Variants in MYO1F observed in about 807,000 individuals in gnomAD.
The protein encoded by MYO1F is unconventional myosin-If.
A neutral mutation model predicts 146.6 loss-of-function variants in MYO1F; 60 were observed. The ratio of observed to expected loss-of-function variants is 0.41; its 90% CI spans 0.33 to 0.51. MYO1F has a LOEUF of 0.51. Ranked by LOEUF, MYO1F falls within the 20% of genes least tolerant of loss-of-function variation. The pLI is 0.25. For synonymous variants in MYO1F, 602 were observed against 602.1 expected (o/e 1.00, Z 0.00); for missense variants, 1,274 against 1,534.3 (o/e 0.83, Z 2.83).
Position 8,527,514 on chromosome 19 carries a change from C to G in MYO1F, c.2329-31G>C, listed in dbSNP as rs376683356. On this transcript the variant is annotated intron_variant, in intron 21 of 27. Transcript: ENST00000644032. ...GGGATGCAGGATTAGAGGCTGATGC[C>G]TGTAGCCTGGCCAGCCTGGCCACAG... 8.1e-5 allele frequency: 130 copies of G among 1,611,306 alleles called. No individual in the cohort carries two copies. In the African/African-American group the frequency reaches 1.6e-3, roughly 19 times the overall value.
At chr19:8,574,073 A>G (rs2042158409) in intron 1 of MYO1F, among the ~76,000 whole-genome samples, 1 of 152,024 alleles carries the variant, frequency 6.6e-6, no homozygotes, top group African/African-American at 2.4e-5. Flanking sequence ...AAATAACAGC[A>G]ACCACCGATG....
rs1972103941 is a variant in MYO1F, at chr19:8,522,551, G to A, written c.3051-5C>T. 6.2e-7 allele frequency: 1 copy of A among 1,611,032 alleles called. No homozygotes were observed. Among genetic ancestry groups the A allele is most frequent in the Non-Finnish European group, 8.5e-7 (1 of 1,179,008 alleles). The stretch of plus-strand genomic sequence containing the variant: ...ACGCTGCGCTTCCTCTGCATGCTGT[G>A]GGCACAGGGGGTTTGAGTCACAGCC... On this transcript the variant is annotated splice_polypyrimidine_tract_variant and splice_region_variant and intron_variant, in intron 26 of 27. Coordinates refer to ENST00000644032, the MANE Select transcript of MYO1F (RefSeq NM_012335.4).
chr19:8,575,180 G>A (rs770021547), intron 1 of MYO1F, among the ~76,000 whole-genome samples: 1 of 151,110 alleles, frequency 6.6e-6, no homozygotes, highest in Non-Finnish European at 1.5e-5. Flanking sequence ...GGGTTCAAGC[G>A]ATTCTCCTGC....
intron 1 of MYO1F, among the ~76,000 whole-genome samples, chr19:8,575,447 C>T (rs1393599441): frequency 6.6e-6 from 1 of 151,114 alleles, no homozygotes; most frequent in Non-Finnish European, 1.5e-5. Context: ...GGTTTGCGAT[C>T]CTGTGATAAT....
Position 8,545,717 on chromosome 19 carries a change from C to A in MYO1F, c.1289G>T (p.Gly430Val), listed in dbSNP as rs773881396. 18 of 1,613,896 alleles carry A rather than the reference C, an allele frequency of 1.1e-5. No individual in the cohort carries two copies. Among genetic ancestry groups the A allele is most frequent in the Non-Finnish European group, 3.4e-6 (4 of 1,179,932 alleles). The change falls in exon 13 of 28, where the codon GGC becomes GTC. Residue 430 changes from glycine to valine, a missense_variant. Physicochemically the swap from Gly to Val is moderately radical, Grantham distance 109. Around this residue, in one of 2 missense-constraint regions of MYO1F, gnomAD observed 900 missense variants for 1,155.1 expected, o/e 0.78. Coordinates refer to ENST00000644032, the MANE Select transcript of MYO1F (RefSeq NM_012335.4). ...GTACTGGATTGGAGTCCAGCGGATG[C>A]CTTCCTGCACATACTCCTCCTGGGG... ...KAEQEEYVQE[G>V]IRWTPIQYFN...
intron 1 of MYO1F, among the ~76,000 whole-genome samples, chr19:8,556,243 T>C (rs1384410267): frequency 6.6e-6 from 1 of 151,124 alleles, no homozygotes; most frequent in Non-Finnish European, 1.5e-5. Flanking sequence ...TTGGCCAGGC[T>C]GGTCTGGAAC....
rs937869423 is a variant in MYO1F at position 8,522,462 on chromosome 19, C to T, written c.3135G>A (p.Arg1045=). 6.2e-7 allele frequency: 1 copy of T among 1,613,984 alleles called. No homozygotes were observed. The highest frequency in any genetic ancestry group is 8.5e-7 in the Non-Finnish European group (1 of 1,180,032). ...CCACGTACTGGTATAGGGCCCGGCACCTGGGACCATGTGTCCGAGGCTGGG... is the reference window on the plus strand; with the variant it reads ...CCACGTACTGGTATAGGGCCCGGCATCTGGGACCATGTGTCCGAGGCTGGG... The part of the protein sequence containing the change: ...PKPQPRTHGP[R]CRALYQYVGQ... The change falls in exon 27 of 28, where the codon AGG becomes AGA. Residue 1045 remains arginine (R), a synonymous_variant. Transcript: ENST00000644032.
In MYO1F at chr19:8,573,695, C is replaced by T. The variant is rs185023976; in HGVS notation, c.3+3612G>A. Reference sequence around the variant, plus strand: ...CGAAACCCCGTCTCCACTAAAAGCACAAAAATTAGCTGGGTGTGGTGGCAG... The same window carrying T: ...CGAAACCCCGTCTCCACTAAAAGCATAAAAATTAGCTGGGTGTGGTGGCAG... On this transcript the variant is annotated intron_variant, in intron 1 of 27. Transcript: ENST00000644032. Among the ~76,000 whole-genome samples the T allele has an allele frequency of 6.3e-4, 96 of 152,088 alleles. 3 individuals carry two copies. Among genetic ancestry groups the T allele is most frequent in the South Asian group, 5.2e-3 (25 of 4,818 alleles).
chr19:8,577,217 C>T lies in MYO1F; in HGVS notation c.3+90G>A. Reference sequence around the variant, plus strand: ...AAGTCCACCATGCCCCTCCCCTCACCCCAATTTCTGATGGTCATTTTTAGG... The same window carrying T: ...AAGTCCACCATGCCCCTCCCCTCACTCCAATTTCTGATGGTCATTTTTAGG... On this transcript the variant is annotated intron_variant, in intron 1 of 27. Transcript: ENST00000644032. The surrounding 1 kb of genome is among the most constrained non-coding windows in gnomAD (Gnocchi z 4.3). 1 of 1,511,056 alleles carries T rather than the reference C, an allele frequency of 6.6e-7. No homozygotes were observed. The highest frequency in any genetic ancestry group is 9.1e-7 in the Non-Finnish European group (1 of 1,102,438). 93.6% of individuals were successfully genotyped at this position (1,511,056 alleles called of 1,614,324 possible).
chr19:8,559,043 T>A (rs775876842), intron 1 of MYO1F, among the ~76,000 whole-genome samples: 4 of 151,762 alleles, frequency 2.6e-5, no homozygotes, highest in Non-Finnish European at 5.9e-5. Flanking sequence ...TAAGCCCAGC[T>A]AATTTTTTGT....
At chr19:8,576,345 C>T (rs1169960344) in intron 1 of MYO1F, 1 of 152,360 alleles carries the variant, frequency 6.6e-6, no homozygotes, top group Non-Finnish European at 1.5e-5. Flanking sequence ...ACTAACACCA[C>T]CTCTGCCTCT....
At chr19:8,574,593 CTCTCTTTCTTTCTTTCTTTCTT>C (rs1372179267) in intron 1 of MYO1F, among the ~76,000 whole-genome samples, 35 of 95,672 alleles carry the variant, frequency 3.7e-4, no homozygotes, top group African/African-American at 1.6e-3. Context: ...CTCTCTCTCT[CTCTCTTTCTTTCTTTCTTTCTT>C]TCTTTCTTTC....
rs967230317 is a variant in MYO1F, at chr19:8,522,788, G to A, written c.2896C>T (p.Pro966Ser). The A allele has an allele frequency of 5.0e-6, 8 of 1,597,476 alleles. No individual in the cohort carries two copies. In the African/African-American group the frequency reaches 6.7e-5, roughly 13 times the overall value. The change falls in exon 26 of 28, where the codon CCC (proline) becomes TCC (serine). Residue 966 changes from proline (P) to serine (S), a missense_variant. Transcript: ENST00000644032. ...CCAGACATGATCTCCAGGGGCAGGG[G>A]GCCCCCTCTGGCAGAGGGGGGCACC... ...NGVPPSARGG[P>S]LPLEIMSGGG...
At chr19:8,541,419 G>GTTTTTTTTTTTTT (rs1200496185) in intron 15 of MYO1F, among the ~76,000 whole-genome samples, 2 of 133,926 alleles carry the variant, frequency 1.5e-5, no homozygotes, top group African/African-American at 2.9e-5. Context: ...GTGTGTGTGT[G>GTTTTTTTTTTTTT]TGTGTGTTTT....
chr19:8,532,903 TACACACACACACAC>T lies in MYO1F; in HGVS notation c.2044-2344_2044-2331del, dbSNP rs60799506. 3.4e-3 allele frequency among the ~76,000 whole-genome samples: 385 copies of T among 113,166 alleles called. 5 individuals are homozygous for T. The highest frequency in any genetic ancestry group is 0.014 in the Admixed American group (144 of 10,156). 74.2% of individuals were successfully genotyped at this position (113,166 alleles called of 152,430 possible). On this transcript the variant is annotated intron_variant, in intron 19 of 27. Transcript: ENST00000644032. Reference sequence around the variant, plus strand: ...ATCCTGTCTCAGAAAAAAAAAAAAATACACACACACACACACACACACACACACACACACACACA... The same window carrying T: ...ATCCTGTCTCAGAAAAAAAAAAAAATACACACACACACACACACACACACA...
intron 4 of MYO1F, among the ~76,000 whole-genome samples, chr19:8,553,894 A>ACACACACACACACT: frequency 2.0e-4 from 21 of 102,664 alleles, no homozygotes; most frequent in African/African-American, 8.3e-4. Flanking sequence ...ACACACACAC[A>ACACACACACACACT]CTCTCTCTCT....
At chr19:8,534,904 C>T (rs1304098391) in intron 19 of MYO1F, among the ~76,000 whole-genome samples, 13 of 150,708 alleles carry the variant, frequency 8.6e-5, no homozygotes, top group Non-Finnish European at 1.8e-4. Flanking sequence ...AGATTATAGG[C>T]GTGAGCCACT....
rs143854654 is a variant in MYO1F at position 8,541,274 on chromosome 19, A to G, written c.1610+632T>C. On this transcript the variant is annotated intron_variant, in intron 15 of 27. Transcript: ENST00000644032. ...GGTCTTAAACTTGGGACCTCCAGTGATCCTTCTGGCTAGGGAGATTCTGCA... is the reference window on the plus strand; with the variant it reads ...GGTCTTAAACTTGGGACCTCCAGTGGTCCTTCTGGCTAGGGAGATTCTGCA... Among the ~76,000 whole-genome samples the G allele has an allele frequency of 7.3e-4, 111 of 151,766 alleles. No homozygotes were observed. The Middle Eastern group carries it at 0.01, about 14-fold the overall frequency.
intron 10 of MYO1F, among the ~76,000 whole-genome samples, chr19:8,548,905 T>C (rs1599979192): frequency 1.3e-5 from 2 of 151,702 alleles, no homozygotes; most frequent in East Asian, 3.9e-4. Context: ...TCTATTTTCT[T>C]ATCTTTAAAA....
Sources: allele counts gnomAD v4.1 joint callset (sites outside exome capture counted in the v4.1 genomes callset), GRCh38; gene constraint gnomAD v4.1.1; regional missense constraint gnomAD v4.1.1; non-coding constraint Gnocchi (gnomAD v3.1); transcripts MANE v1.5; gene names NCBI Gene and HGNC (gene_info 2026-07-23, HGNC 2026-07-21).